KCNIP4: variants seen among roughly 807,000 people sequenced by gnomAD.
The protein encoded by KCNIP4 is potassium voltage-gated channel interacting protein 4.
Under a neutral mutation model 34.0 loss-of-function variants are expected in KCNIP4, and 12 were observed. The ratio of observed to expected loss-of-function variants is 0.35; its 90% confidence interval spans 0.23 to 0.57. KCNIP4 has a LOEUF of 0.57. KCNIP4 is among the 20% of genes least tolerant of loss of function. The pLI, the probability that KCNIP4 is intolerant of heterozygous loss-of-function variation, is 0.83. For missense variants in KCNIP4, 238 were observed against 311.7 expected, an observed-to-expected ratio of 0.76 and a Z score of 1.78; for synonymous variants, 124 against 102.2, an observed-to-expected ratio of 1.21 and a Z score of -1.29.
intron 1 of KCNIP4, among the ~76,000 whole-genome samples, chr4:20,973,522 C>T (rs1223279224): frequency 2.0e-5 from 3 of 152,186 alleles, no homozygotes; most frequent in Admixed American, 6.5e-5. Context: ...TCATTCTTCA[C>T]GTGTTCAGTG....
At chr4:20,982,928 C>T (rs574905829) in intron 1 of KCNIP4, among the ~76,000 whole-genome samples, 56 of 152,200 alleles carry the variant, frequency 3.7e-4, no homozygotes, top group Admixed American at 5.2e-4. Flanking sequence ...ATCTCATGGA[C>T]GTCATTCTTT....
At chr4:21,031,793 T>G (rs183924955) in intron 1 of KCNIP4, among the ~76,000 whole-genome samples, 47 of 152,330 alleles carry the variant, frequency 3.1e-4, no homozygotes, top group Non-Finnish European at 6.0e-4. Flanking sequence ...TCCGGCCAAC[T>G]CTACATCGCT....
chr4:20,966,911 G>T (rs540098864), intron 1 of KCNIP4, among the ~76,000 whole-genome samples: 1 of 152,164 alleles, frequency 6.6e-6, no homozygotes, highest in South Asian at 2.1e-4. Flanking sequence ...CTGTGAAGTT[G>T]GTATTATGAT....
At chr4:21,056,954 A>C (rs973892131) in intron 1 of KCNIP4, among the ~76,000 whole-genome samples, 1 of 152,152 alleles carries the variant, frequency 6.6e-6, no homozygotes, top group African/African-American at 2.4e-5. Context: ...CTGATACACA[A>C]CTGGTATTCA....
chr4:21,367,830 A>C (rs1719936912), intron 1 of KCNIP4, among the ~76,000 whole-genome samples: 1 of 147,596 alleles, frequency 6.8e-6, no homozygotes, highest in Non-Finnish European at 1.5e-5. Flanking sequence ...TAAACACAGA[A>C]TCTCTGGGAA....
At chr4:21,157,895 T>C (rs1753263172) in intron 1 of KCNIP4, among the ~76,000 whole-genome samples, 1 of 152,056 alleles carries the variant, frequency 6.6e-6, no homozygotes, top group Admixed American at 6.5e-5. Flanking sequence ...CAAAATGTAG[T>C]TCTTTTAAAA....
chr4:21,913,501 A>T (rs1164176283), intron 1 of KCNIP4, among the ~76,000 whole-genome samples: 1 of 151,928 alleles, frequency 6.6e-6, no homozygotes, highest in Non-Finnish European at 1.5e-5. Flanking sequence ...CTGATCTTGG[A>T]CTTGCCAGCC....
At chr4:21,906,669 T>C (rs1322962573) in intron 1 of KCNIP4, among the ~76,000 whole-genome samples, 1 of 152,190 alleles carries the variant, frequency 6.6e-6, no homozygotes, top group Non-Finnish European at 1.5e-5. Flanking sequence ...AAAAGTTTTC[T>C]GCAACAGGCA....
At chr4:20,939,885 C>T (rs1731465565) in intron 1 of KCNIP4, among the ~76,000 whole-genome samples, 3 of 152,302 alleles carry the variant, frequency 2.0e-5, no homozygotes, top group South Asian at 4.1e-4. Flanking sequence ...GTATCCTGGT[C>T]CAAGCTTTTA....
chr4:21,585,255 C>T (rs371166620), intron 1 of KCNIP4, among the ~76,000 whole-genome samples: 2 of 151,986 alleles, frequency 1.3e-5, no homozygotes, highest in Admixed American at 6.6e-5. Flanking sequence ...AGAGCTTATG[C>T]TGCATGCCCA....
chr4:21,619,624 T>C (rs1744866708), intron 1 of KCNIP4, among the ~76,000 whole-genome samples: 2 of 152,196 alleles, frequency 1.3e-5, no homozygotes, highest in African/African-American at 4.8e-5. Flanking sequence ...AAATAAGGCA[T>C]AGATCCCAAG....
rs187407474 is a variant in KCNIP4 at position 21,346,108 on chromosome 4, T to C, written c.62-463399A>G. 8.9e-3 allele frequency among the ~76,000 whole-genome samples: 1,075 copies of C among 121,272 alleles called. 7 individuals carry two copies. Among genetic ancestry groups the C allele is most frequent in the Non-Finnish European group, 0.014 (851 of 61,900 alleles). The allele number at this position is 121,272 out of a possible 152,430, so 79.6% of individuals were successfully genotyped here. On this transcript the variant is annotated intron_variant, in intron 1 of 8. Coordinates refer to ENST00000382152, the MANE Select transcript of KCNIP4 (RefSeq NM_025221.6). ...AGATATTTAAGATATCTTAAATATA[T>C]ATAAATATATATATTTTACACTGCC...
chr4:20,945,800 T>C (rs1024904449), intron 1 of KCNIP4, among the ~76,000 whole-genome samples: 3 of 152,174 alleles, frequency 2.0e-5, no homozygotes, highest in African/African-American at 7.2e-5. Context: ...CAGCCTGAGA[T>C]CAACGGGTTT....
At chr4:21,275,088 AT>A (rs1332935951) in intron 1 of KCNIP4, among the ~76,000 whole-genome samples, 1 of 152,218 alleles carries the variant, frequency 6.6e-6, no homozygotes, top group East Asian at 1.9e-4. Context: ...GGTACATTTG[AT>A]AGGAACCATC....
chr4:21,483,242 T>C (rs1301194839), intron 1 of KCNIP4, among the ~76,000 whole-genome samples: 1 of 151,498 alleles, frequency 6.6e-6, no homozygotes, highest in Non-Finnish European at 1.5e-5. Flanking sequence ...TATATATATA[T>C]ATAAAGAAAT....
chr4:21,096,793 G>A (rs1474984437), intron 1 of KCNIP4, among the ~76,000 whole-genome samples: 5 of 151,896 alleles, frequency 3.3e-5, no homozygotes, highest in Non-Finnish European at 1.5e-5. Context: ...GTTTAATAAA[G>A]CCTCTTAGAA....
At chr4:21,430,970 T>C (rs2109665026) in intron 1 of KCNIP4, among the ~76,000 whole-genome samples, 1 of 152,122 alleles carries the variant, frequency 6.6e-6, no homozygotes, top group Non-Finnish European at 1.5e-5. Flanking sequence ...CAGAAAAACT[T>C]CAAACAAAAC....
At chr4:21,015,329 G>A (rs1739404044) in intron 1 of KCNIP4, among the ~76,000 whole-genome samples, 1 of 146,806 alleles carries the variant, frequency 6.8e-6, no homozygotes, top group Non-Finnish European at 1.5e-5. Flanking sequence ...GAGAGAGGTA[G>A]AGAGAGCAGA....
At chr4:20,752,529 C>A (rs1341341724) in intron 4 of KCNIP4, 1 of 152,182 alleles carries the variant, frequency 6.6e-6, no homozygotes, top group Non-Finnish European at 1.5e-5. Context: ...ACAAACGTAA[C>A]ATCTTTTCAC....
Sources: allele counts gnomAD v4.1 joint callset (sites outside exome capture counted in the v4.1 genomes callset), GRCh38; gene constraint gnomAD v4.1.1; transcripts MANE v1.5; gene names NCBI Gene and HGNC (gene_info 2026-07-23, HGNC 2026-07-21).